KHDC1L: variants seen among roughly 807,000 people sequenced by gnomAD.
The protein encoded by KHDC1L is KHDC1-like protein.
KHDC1L carries 5 observed loss-of-function variants against 11.2 expected under a neutral mutation model. The observed-to-expected ratio is 0.45, with a 90% CI of 0.23 to 0.94. The LOEUF (loss-of-function observed/expected upper bound fraction) is 0.94, where lower values mean the gene tolerates loss of function less well. Ranked by LOEUF, KHDC1L falls within the 40% of genes least tolerant of loss-of-function variation. The probability of loss-of-function intolerance (pLI) is 0.22; values close to 1 mark genes in which losing one functional copy is unlikely to be tolerated. For synonymous variants in KHDC1L, 66 were observed against 62.7 expected (o/e 1.05, Z -0.25); for missense variants, 168 against 165.8 (o/e 1.01, Z -0.07).
intron 1 of KHDC1L, among the ~76,000 whole-genome samples, chr6:73,224,889 G>A (rs892131945): frequency 5.4e-5 from 8 of 149,166 alleles, no homozygotes; most frequent in Non-Finnish European, 5.9e-5. Context: ...AGACCATCCT[G>A]GCTAACACGG....
rs761040434 is a variant in KHDC1L at position 73,223,791 on chromosome 6, T to C, written c.344A>G (p.Asp115Gly). 1 of 1,607,606 alleles carries C rather than the reference T, an allele frequency of 6.2e-7. No homozygotes were observed. Among genetic ancestry groups the C allele is most frequent in the East Asian group, 2.2e-5 (1 of 44,726 alleles). ...RVRSQPLTND[D>G]LVTSVSLPPY... is the part of the protein sequence containing the mutation. The stretch of plus-strand genomic sequence containing the variant: ...TGGCAGGCTAACGGAGGTGACCAGG[T>C]CATCATTGGTCAGGGGCTGGCTTCG... Residue 115 changes from aspartate to glycine, a missense_variant, in exon 3 of 3, where the codon GAC becomes GGC. Asp to Gly is a moderately conservative substitution (Grantham distance 94, BLOSUM62 -1). Coordinates refer to ENST00000370388, the MANE Select transcript of KHDC1L (RefSeq NM_001126063.3).
chr6:73,225,484 G>A lies in KHDC1L; in HGVS notation c.-76C>T, dbSNP rs552443091. Reference sequence around the variant, plus strand: ...GCAAAAGACTTGGAAAAGCGAGGAAGGGCCTAGGCTCTGTCCTTAAAAAGG... The same window carrying A: ...GCAAAAGACTTGGAAAAGCGAGGAAAGGCCTAGGCTCTGTCCTTAAAAAGG... On this transcript the variant is annotated 5_prime_UTR_variant, in exon 1 of 3. Coordinates refer to ENST00000370388, the MANE Select transcript of KHDC1L (RefSeq NM_001126063.3). 6.3e-5 allele frequency: 67 copies of A among 1,065,470 alleles called. 1 individual carries two copies. In the African/African-American group the frequency reaches 9.0e-4, roughly 14 times the overall value. The allele number at this position is 1,065,470 out of a possible 1,614,324, so 66.0% of individuals were successfully genotyped here. A position where few individuals can be genotyped will look rare whatever the true frequency, so the allele number is the denominator to read the frequency against.
chr6:73,224,033 C>T (rs1478806034), intron 2 of KHDC1L, 133 bp downstream of exon 2: 1 of 1,173,624 alleles, frequency 8.5e-7, no homozygotes, highest in African/African-American at 1.6e-5. Context: ...CCTTCCCTTC[C>T]CAATGGACTC....
rs530053847 is a variant in KHDC1L, at chr6:73,225,049, C to T, written c.112+248G>A. 9.1e-4 allele frequency among the ~76,000 whole-genome samples: 136 copies of T among 148,724 alleles called. 1 individual carries two copies. Among genetic ancestry groups the T allele is most frequent in the African/African-American group, 3.3e-3 (131 of 40,184 alleles). On this transcript the variant is annotated intron_variant, in intron 1 of 2. Transcript: ENST00000370388. The stretch of plus-strand genomic sequence containing the variant: ...AGTGAGCCGAGATCGCGCCACTGCA[C>T]TCCAGCCTGGGCGGCAGAGCAAGAC...
chr6:73,223,983 C>T (rs1214197965), intron 2 of KHDC1L, 144 bp from the exon 3 acceptor site: 1 of 964,656 alleles, frequency 1.0e-6, no homozygotes, highest in East Asian at 2.6e-5. Flanking sequence ...CTCCCTGCTA[C>T]CCTCTCCTCC....
chr6:73,224,820 A>G (rs1251619255), intron 1 of KHDC1L, among the ~76,000 whole-genome samples: 1 of 141,726 alleles, frequency 7.1e-6, no homozygotes, highest in Non-Finnish European at 1.5e-5. Context: ...AGTGGCTCAC[A>G]CTTGTATTCC....
rs1442458099 is a variant in KHDC1L, at chr6:73,223,561, T to A, written c.*187A>T. Reference sequence around the variant, plus strand: ...TCGAAGGCTTTGCATCATAGGTAGCTTATTTTATTGGATTGCTTTGCCAAT... The same window carrying A: ...TCGAAGGCTTTGCATCATAGGTAGCATATTTTATTGGATTGCTTTGCCAAT... On this transcript the variant is annotated 3_prime_UTR_variant, in exon 3 of 3. Coordinates refer to ENST00000370388, the MANE Select transcript of KHDC1L (RefSeq NM_001126063.3). The A allele has an allele frequency of 8.9e-6, 5 of 558,728 alleles. No individual in the cohort carries two copies. Among genetic ancestry groups the A allele is most frequent in the Non-Finnish European group, 1.3e-5 (4 of 310,034 alleles). 34.6% of individuals were successfully genotyped at this position (558,728 alleles called of 1,614,324 possible). A position where few individuals can be genotyped will look rare whatever the true frequency, so the allele number is the denominator to read the frequency against.
intron 1 of KHDC1L, 94 bp downstream of exon 1, chr6:73,225,203 G>T (rs1456031914): frequency 1.7e-6 from 2 of 1,145,418 alleles, no homozygotes; most frequent in Non-Finnish European, 2.5e-6. Context: ...AAAGGCAGAC[G>T]TTGCAGTGAG....
chr6:73,224,266 G>T lies in KHDC1L; in HGVS notation c.195C>A (p.Gly65=). Residue 65 remains glycine (G), a synonymous_variant, in exon 2 of 3, where the codon GGC becomes GGA. Coordinates refer to ENST00000370388, the MANE Select transcript of KHDC1L (RefSeq NM_001126063.3). The part of the protein sequence containing the change: ...IQLERCFTAT[G]QTRVTVVGPP... ...GTCCGACTACAGTCACACGTGTCTG[G>T]CCTGTAGCTGTGAAACACCTCTCCA... The T allele has an allele frequency of 6.3e-7, 1 of 1,595,034 alleles. No homozygotes were observed. The highest frequency in any genetic ancestry group is 1.7e-5 in the Admixed American group (1 of 57,274).
Position 73,224,182 on chromosome 6 carries a change from G to C in KHDC1L, c.279C>G (p.Ser93=). The C allele has an allele frequency of 6.4e-7, 1 of 1,567,500 alleles. No individual in the cohort carries two copies. Among genetic ancestry groups the C allele is most frequent in the Non-Finnish European group, 8.7e-7 (1 of 1,155,894 alleles). ...LMFHCVGSQD[S]KCHARGLKML... Reference sequence around the variant, plus strand: ...GATACCTACCTCGAGCGTGACACTTGGAGTCCTGGCTCCCCACGCAATGGA... The same window carrying C: ...GATACCTACCTCGAGCGTGACACTTCGAGTCCTGGCTCCCCACGCAATGGA... Residue 93 remains serine (S), a synonymous_variant, in exon 2 of 3, where the codon TCC becomes TCG. Coordinates refer to ENST00000370388, the MANE Select transcript of KHDC1L (RefSeq NM_001126063.3).
In KHDC1L at chr6:73,223,622, C is replaced by T; in HGVS notation, c.*126G>A. 1 of 702,412 alleles carries T rather than the reference C, an allele frequency of 1.4e-6. No homozygotes were observed. The highest frequency in any genetic ancestry group is 2.4e-6 in the Non-Finnish European group (1 of 410,774). 43.5% of individuals were successfully genotyped at this position (702,412 alleles called of 1,614,324 possible). A position where few individuals can be genotyped will look rare whatever the true frequency, so the allele number is the denominator to read the frequency against. On this transcript the variant is annotated 3_prime_UTR_variant, in exon 3 of 3. Transcript: ENST00000370388. ...ACACTCAGGAGACTTCCCTCAGACA[C>T]ATGCCTAGAAGGCCTGAGAGGGGCA... is the stretch of plus-strand genomic sequence containing the variant.
Position 73,223,568 on chromosome 6 carries a change from A to G in KHDC1L, c.*180T>C. ...CTTTGCATCATAGGTAGCTTATTTTATTGGATTGCTTTGCCAATAACACTT... is the reference window on the plus strand; with the variant it reads ...CTTTGCATCATAGGTAGCTTATTTTGTTGGATTGCTTTGCCAATAACACTT... On this transcript the variant is annotated 3_prime_UTR_variant, in exon 3 of 3. Transcript: ENST00000370388. 1 of 566,124 alleles carries G rather than the reference A, an allele frequency of 1.8e-6. No homozygotes were observed. The highest frequency in any genetic ancestry group is 2.2e-5 in the South Asian group (1 of 44,766). The allele number at this position is 566,124 out of a possible 1,614,324, so 35.1% of individuals were successfully genotyped here.
Position 73,224,231 on chromosome 6 carries a change from G to T in KHDC1L, c.230C>A (p.Ala77Glu). ...GAACATGAGCAGCAGCCACTGCTTT[G>T]CCATTGGTGGTCCGACTACAGTCAC... is the stretch of plus-strand genomic sequence containing the variant. The part of the protein sequence containing the change: ...TRVTVVGPPM[A>E]KQWLLLMFHC... Residue 77 changes from alanine (A) to glutamate (E), a missense_variant, in exon 2 of 3, where the codon GCA (alanine) becomes GAA (glutamate). Transcript: ENST00000370388. The T allele has an allele frequency of 6.3e-7, 1 of 1,578,752 alleles. No individual in the cohort carries two copies. The highest frequency in any genetic ancestry group is 8.6e-7 in the Non-Finnish European group (1 of 1,161,324).
At chr6:73,223,948 G>A (rs1766310263) in intron 2 of KHDC1L, 109 bp from the exon 3 acceptor site, 2 of 1,039,680 alleles carry the variant, frequency 1.9e-6, no homozygotes, top group African/African-American at 1.6e-5. Flanking sequence ...CCCAGCCCAG[G>A]TCTTCCAAGG....
At chr6:73,224,497 T>G in intron 1 of KHDC1L, 149 bp from the exon 2 acceptor site, 5 of 662,660 alleles carry the variant, frequency 7.5e-6, no homozygotes, top group Admixed American at 3.0e-5. Context: ...GAGGCCGGCC[T>G]AGCGCAGTGA....
Position 73,225,298 on chromosome 6 carries a change from G to C in KHDC1L, c.111C>G (p.Phe37Leu), listed in dbSNP as rs764345552. 1.2e-6 allele frequency: 2 copies of C among 1,613,392 alleles called. No homozygotes were observed. The highest frequency in any genetic ancestry group is 4.5e-5 in the East Asian group (2 of 44,858). ...GGGACGTGGGCAAAGGCCACTCACC[G>C]AAGATGAGCTCCTCCTGGTCCTCTT... Reference protein sequence around the residue: ...HMEEDQEELIFGLDDTYLRCI... With the variant: ...HMEEDQEELILGLDDTYLRCI... Residue 37 changes from phenylalanine to leucine, a missense_variant and splice_region_variant, in exon 1 of 3, where the codon TTC (phenylalanine) becomes TTG (leucine). Physicochemically the swap from Phe to Leu is conservative, Grantham distance 22. Coordinates refer to ENST00000370388, the MANE Select transcript of KHDC1L (RefSeq NM_001126063.3).
At position 73,224,324 on chromosome 6, in the gene KHDC1L, C is replaced by A. The variant is rs1360852274; in HGVS notation, c.137G>T (p.Cys46Phe). ...IFGLDDTYLRCIELHSHTLIQ... is the reference protein window; with the variant it reads ...IFGLDDTYLRFIELHSHTLIQ... ...AAGGGTGTGGCTGTGCAGCTCAATG[C>A]AGCGAAGGTACGTGTCATCAAGTCC... The change falls in exon 2 of 3, where the codon TGC becomes TTC. Residue 46 changes from cysteine (C) to phenylalanine (F), a missense_variant. By Grantham distance (205) the Cys-to-Phe change is radical. Transcript: ENST00000370388. 3.1e-6 allele frequency: 5 copies of A among 1,589,124 alleles called. No homozygotes were observed. The highest frequency in any genetic ancestry group is 3.3e-4 in the Middle Eastern group (2 of 6,044).
intron 1 of KHDC1L, 106 bp downstream of exon 1, chr6:73,225,191 C>G: frequency 9.7e-7 from 1 of 1,035,272 alleles, no homozygotes; most frequent in Non-Finnish European, 1.4e-6. Context: ...CACTTGAACC[C>G]AAAAGGCAGA....
chr6:73,223,586 T>C lies in KHDC1L; in HGVS notation c.*162A>G. The C allele has an allele frequency of 3.4e-6, 2 of 596,110 alleles. No individual in the cohort carries two copies. The highest frequency in any genetic ancestry group is 6.0e-6 in the Non-Finnish European group (2 of 331,140). The allele number at this position is 596,110 out of a possible 1,614,324, so 36.9% of individuals were successfully genotyped here. ...TTATTTTATTGGATTGCTTTGCCAATAACACTTCTAACACTCAGGAGACTT... is the reference window on the plus strand; with the variant it reads ...TTATTTTATTGGATTGCTTTGCCAACAACACTTCTAACACTCAGGAGACTT... On this transcript the variant is annotated 3_prime_UTR_variant, in exon 3 of 3. Transcript: ENST00000370388.
Sources: allele counts gnomAD v4.1 joint callset (sites outside exome capture counted in the v4.1 genomes callset), GRCh38; gene constraint gnomAD v4.1.1; transcripts MANE v1.5; gene names NCBI Gene and HGNC (gene_info 2026-07-23, HGNC 2026-07-21).